PRKN: variants seen among roughly 807,000 people sequenced by gnomAD.
PRKN encodes parkin RBR E3 ubiquitin protein ligase, also known as E3 ubiquitin-protein ligase parkin.
PRKN carries 56 observed loss-of-function variants against 59.5 expected under a neutral mutation model. The ratio of observed to expected loss-of-function variants is 0.94; its 90% CI spans 0.76 to 1.18. The LOEUF (loss-of-function observed/expected upper bound fraction) is 1.18, where lower values mean the gene tolerates loss of function less well. PRKN is among the 50% of genes most tolerant of loss of function. The pLI is 0.00. For synonymous variants in PRKN, 250 were observed against 222.1 expected (o/e 1.13, Z -1.12); for missense variants, 657 against 596.4 (o/e 1.10, Z -1.06).
At chr6:161,821,326 T>C (rs898857702) in intron 6 of PRKN, among the ~76,000 whole-genome samples, 4 of 152,312 alleles carry the variant, frequency 2.6e-5, no homozygotes, top group East Asian at 3.9e-4. Context: ...ATCCTGTGCA[T>C]ATCGATCCAT....
chr6:162,453,755 T>G (rs1790733206), intron 1 of PRKN, among the ~76,000 whole-genome samples: 1 of 151,984 alleles, frequency 6.6e-6, no homozygotes, highest in African/African-American at 2.4e-5. Context: ...ATATCAAAAT[T>G]AGCTGGGCGT....
chr6:161,500,414 CAA>C (rs1196798817), intron 9 of PRKN, among the ~76,000 whole-genome samples: 1 of 152,200 alleles, frequency 6.6e-6, no homozygotes, highest in African/African-American at 2.4e-5. Context: ...CAGTATTATA[CAA>C]AAGAGTTTCA....
At position 161,362,485 on chromosome 6, in the gene PRKN, T is replaced by C. The variant is rs1785014730; in HGVS notation, c.1168-2280A>G. 6.6e-6 allele frequency among the ~76,000 whole-genome samples: 1 copy of C among 152,060 alleles called. No individual in the cohort carries two copies. Among genetic ancestry groups the C allele is most frequent in the Admixed American group, 6.6e-5 (1 of 15,262 alleles). On this transcript the variant is annotated intron_variant, in intron 10 of 11. Transcript: ENST00000366898. This position sits in a 1 kb window ranked among gnomAD's most constrained non-coding sequence, Gnocchi z 5.2. ...CACAGAGGACCTGGACTCCTGAGGG[T>C]GACGTTCTCAGTGGAGGAAGCCAGG...
intron 9 of PRKN, among the ~76,000 whole-genome samples, chr6:161,398,036 G>A (rs1256408497): frequency 1.3e-5 from 2 of 152,172 alleles, no homozygotes; most frequent in Non-Finnish European, 2.9e-5. Flanking sequence ...TGGGAGTGAA[G>A]TCCCAGAGAA....
At chr6:162,139,083 T>A (rs1176489536) in intron 4 of PRKN, among the ~76,000 whole-genome samples, 1 of 152,210 alleles carries the variant, frequency 6.6e-6, no homozygotes, top group Non-Finnish European at 1.5e-5. Flanking sequence ...AGATGGGCCA[T>A]TACCTCCTTA....
intron 2 of PRKN, among the ~76,000 whole-genome samples, chr6:162,317,915 A>T (rs1264048584): frequency 6.6e-5 from 10 of 151,778 alleles, no homozygotes; most frequent in South Asian, 2.1e-4. Flanking sequence ...AACATGGTAA[A>T]ATATATATAT....
chr6:161,366,071 C>T (rs988190936), intron 10 of PRKN, among the ~76,000 whole-genome samples: 1 of 152,188 alleles, frequency 6.6e-6, no homozygotes, highest in Non-Finnish European at 1.5e-5. Flanking sequence ...GGTGATGCTA[C>T]TGGAAGGTGG....
At chr6:162,531,531 G>A (rs543910162) in intron 1 of PRKN, among the ~76,000 whole-genome samples, 7 of 152,144 alleles carry the variant, frequency 4.6e-5, no homozygotes, top group African/African-American at 9.6e-5. Context: ...CATAGGACCC[G>A]GAGCTGTCTT....
intron 7 of PRKN, among the ~76,000 whole-genome samples, chr6:161,589,089 C>T (rs1472275700): frequency 6.6e-6 from 1 of 152,188 alleles, no homozygotes; most frequent in Non-Finnish European, 1.5e-5. Context: ...TTCCTAGAAA[C>T]AAAAGCTTCT....
At chr6:161,605,339 G>A (rs1782239338) in intron 7 of PRKN, among the ~76,000 whole-genome samples, 1 of 152,026 alleles carries the variant, frequency 6.6e-6, no homozygotes, top group African/African-American at 2.4e-5. Context: ...TGTACATATA[G>A]AATGTACATG....
rs572894090 is a variant in PRKN, at chr6:161,488,417, T to C, written c.1083+60437A>G. ...CTTAAACTGTTAGTATAAATTATAA[T>C]GGAATTTAAGTAATGTTCACAGAGG... On this transcript the variant is annotated intron_variant, in intron 9 of 11. Transcript: ENST00000366898. This position sits in a 1 kb window ranked among gnomAD's most constrained non-coding sequence, Gnocchi z 4.5. 2.2e-4 allele frequency among the ~76,000 whole-genome samples: 33 copies of C among 152,260 alleles called. No homozygotes were observed. The highest frequency in any genetic ancestry group is 4.7e-4 in the Non-Finnish European group (32 of 68,004).
intron 2 of PRKN, among the ~76,000 whole-genome samples, chr6:162,350,943 G>C (rs1455044925): frequency 6.6e-6 from 1 of 152,160 alleles, no homozygotes; most frequent in Non-Finnish European, 1.5e-5. Flanking sequence ...ACTTATGTCT[G>C]TAATGTAGCA....
At chr6:161,781,089 A>T (rs1038931800) in intron 7 of PRKN, among the ~76,000 whole-genome samples, 5 of 152,224 alleles carry the variant, frequency 3.3e-5, no homozygotes, top group Non-Finnish European at 5.9e-5. Flanking sequence ...TGGAAGACTG[A>T]CTACACAGTT....
intron 1 of PRKN, among the ~76,000 whole-genome samples, chr6:162,466,390 T>C (rs1791416611): frequency 6.6e-6 from 1 of 152,174 alleles, no homozygotes; most frequent in Non-Finnish European, 1.5e-5. Flanking sequence ...GAATAGATGC[T>C]GACAAGTCTT....
chr6:162,139,144 G>A (rs1583088638), intron 4 of PRKN, among the ~76,000 whole-genome samples: 1 of 152,258 alleles, frequency 6.6e-6, no homozygotes, highest in East Asian at 1.9e-4. Context: ...CTGAAAAATG[G>A]AGTTGTATTC....
At chr6:162,609,563 T>C (rs1185001386) in intron 1 of PRKN, among the ~76,000 whole-genome samples, 2 of 152,338 alleles carry the variant, frequency 1.3e-5, no homozygotes, top group South Asian at 2.1e-4. Context: ...TGACTGTGCA[T>C]TGGCCTCAAA....
At chr6:162,096,364 T>C (rs1779731288) in intron 4 of PRKN, among the ~76,000 whole-genome samples, 1 of 152,228 alleles carries the variant, frequency 6.6e-6, no homozygotes, top group Non-Finnish European at 1.5e-5. Context: ...TAAGCCAACC[T>C]GTTCCATTAG....
chr6:162,421,903 A>G (rs1788989082), intron 2 of PRKN, among the ~76,000 whole-genome samples: 1 of 152,238 alleles, frequency 6.6e-6, no homozygotes, highest in Non-Finnish European at 1.5e-5. Flanking sequence ...TTCTATTTAT[A>G]AAATAAAAAT....
At chr6:161,833,628 G>T (rs1792609837) in intron 6 of PRKN, among the ~76,000 whole-genome samples, 3 of 152,140 alleles carry the variant, frequency 2.0e-5, no homozygotes, top group South Asian at 4.1e-4. Context: ...ATGTCCGGGT[G>T]GGCAGGTGGG....
Sources: gnomAD v4.1 joint callset for allele counts (sites outside exome capture counted in the v4.1 genomes callset) on GRCh38, gnomAD v4.1.1 for gene constraint, Gnocchi (gnomAD v3.1) non-coding constraint, MANE v1.5 for transcripts, NCBI Gene and HGNC (gene_info 2026-07-23, HGNC 2026-07-21) for gene names.